Variants in KIF21A observed in about 807,000 individuals in gnomAD.
KIF21A encodes kinesin family member 21A.
In KIF21A, 114 loss-of-function variants were observed where a neutral mutation model predicts 202.9. That is an observed-to-expected ratio of 0.56 (90% confidence interval 0.48 to 0.66). The LOEUF (loss-of-function observed/expected upper bound fraction) is 0.66. Among genes scored for constraint, KIF21A ranks in the 30% least tolerant of loss-of-function variants. The pLI, the probability that KIF21A is intolerant of heterozygous loss-of-function variation, is 0.00. For missense variants in KIF21A, 1,677 were observed against 1,994.9 expected, an observed-to-expected ratio of 0.84 and a Z score of 3.04; for synonymous variants, 667 against 670.8, an observed-to-expected ratio of 0.99 and a Z score of 0.09.
chr12:39,313,290 T>C (rs1944208645), intron 31 of KIF21A, among the ~76,000 whole-genome samples: 2 of 151,868 alleles, frequency 1.3e-5, no homozygotes. Flanking sequence ...ACTCAACTTC[T>C]CGTTGAGTCT....
chr12:39,408,301 C>T (rs193258085), intron 1 of KIF21A, among the ~76,000 whole-genome samples: 62 of 152,110 alleles, frequency 4.1e-4, no homozygotes, highest in South Asian at 1.5e-3. Context: ...ATGTGCAGTT[C>T]GCAATAAGGT....
At chr12:39,356,490 TTCC>T in intron 10 of KIF21A, 16 of 199,772 alleles carry the variant, frequency 8.0e-5, no homozygotes, top group South Asian at 3.2e-4. Flanking sequence ...TATTGATCTA[TTCC>T]CAACTGATGG....
At chr12:39,395,324 G>A (rs1163066573) in intron 1 of KIF21A, among the ~76,000 whole-genome samples, 2 of 151,968 alleles carry the variant, frequency 1.3e-5, no homozygotes, top group African/African-American at 4.8e-5. Flanking sequence ...CATTGCTCTA[G>A]AATTGTTCTA....
chr12:39,354,690 G>A (rs1161891904), intron 10 of KIF21A, among the ~76,000 whole-genome samples: 1 of 152,152 alleles, frequency 6.6e-6, no homozygotes, highest in Non-Finnish European at 1.5e-5. Context: ...GTGAATAAAT[G>A]TCTTCCTAAG....
intron 1 of KIF21A, among the ~76,000 whole-genome samples, chr12:39,436,947 T>C (rs1938888220): frequency 6.6e-6 from 1 of 152,200 alleles, no homozygotes; most frequent in Non-Finnish European, 1.5e-5. Flanking sequence ...TCATCTGCCA[T>C]GCATTTTTAT....
chr12:39,361,309 G>A (rs1949189204), intron 7 of KIF21A, among the ~76,000 whole-genome samples: 1 of 152,082 alleles, frequency 6.6e-6, no homozygotes. Context: ...CTGAAAAAAT[G>A]AAAATTTTTA....
In KIF21A at chr12:39,365,762, C is replaced by T. The variant is rs1949556303; in HGVS notation, c.903+588G>A. On this transcript the variant is annotated intron_variant, in intron 6 of 37. Transcript: ENST00000361418. Reference sequence around the variant, plus strand: ...CAGTGGCTCGCGCCTGTAATCCCAGCACTTTGGGAGGTTGAGGTGAGTGAA... The same window carrying T: ...CAGTGGCTCGCGCCTGTAATCCCAGTACTTTGGGAGGTTGAGGTGAGTGAA... Among the ~76,000 whole-genome samples, 3 of 152,320 alleles carry T rather than the reference C, an allele frequency of 2.0e-5. No individual in the cohort carries two copies. In the South Asian group the frequency reaches 6.2e-4, roughly 32 times the overall value.
At chr12:39,338,464 G>A (rs1947169178) in intron 16 of KIF21A, among the ~76,000 whole-genome samples, 1 of 152,114 alleles carries the variant, frequency 6.6e-6, no homozygotes, top group African/African-American at 2.4e-5. Flanking sequence ...AATAAATTTA[G>A]TGTAGCTTAA....
intron 1 of KIF21A, among the ~76,000 whole-genome samples, chr12:39,431,991 C>G (rs1485618921): frequency 6.6e-6 from 1 of 152,170 alleles, no homozygotes; most frequent in Non-Finnish European, 1.5e-5. Context: ...ATGAAATCTG[C>G]AATCTCATGT....
rs79874848 is a variant in KIF21A, at chr12:39,397,491, C to T, written c.45-27230G>A. On this transcript the variant is annotated intron_variant, in intron 1 of 37. Transcript: ENST00000361418. ...ACTCTATTTTTTTCCACAGTACTTA[C>T]CACCCTCTAATATATTATGTAATTA... Among the ~76,000 whole-genome samples the T allele has an allele frequency of 1.7e-3, 256 of 152,112 alleles. 2 individuals are homozygous for T. The highest frequency in any genetic ancestry group is 0.012 in the Admixed American group (189 of 15,274).
At chr12:39,315,109 G>T in intron 31 of KIF21A, 120 bp downstream of exon 31, 4 of 929,954 alleles carry the variant, frequency 4.3e-6, no homozygotes, top group Non-Finnish European at 1.7e-6. Flanking sequence ...TGGCAAATTT[G>T]TACAACAGAC....
At position 39,366,480 on chromosome 12, in the gene KIF21A, G is replaced by A; in HGVS notation, c.773C>T (p.Ala258Val). 6.2e-7 allele frequency: 1 copy of A among 1,612,046 alleles called. No homozygotes were observed. The highest frequency in any genetic ancestry group is 1.3e-5 in the African/African-American group (1 of 74,974). Residue 258 changes from alanine to valine, a missense_variant, in exon 6 of 38, where the codon GCA becomes GTA. This residue lies in a region of KIF21A where 966 missense variants were observed against 1,180.9 expected (regional missense o/e 0.82). Transcript: ENST00000361418. ...CAGGGTTTCAAATTCATTCATCTGT[G>A]CTGATTCAGAAATAATTTTATTATC... The part of the protein sequence containing the change: ...ATDNKIISES[A>V]QMNEFETLTA...
At chr12:39,317,334 G>A (rs1160769111) in intron 29 of KIF21A, among the ~76,000 whole-genome samples, 1 of 152,082 alleles carries the variant, frequency 6.6e-6, no homozygotes, top group Non-Finnish European at 1.5e-5. Context: ...ATACAGGGAG[G>A]CAATAGCAGA....
In KIF21A at chr12:39,294,096, T is replaced by C. The variant is rs114494353; in HGVS notation, c.*328A>G. 682 of 264,958 alleles carry C rather than the reference T, an allele frequency of 2.6e-3. 7 individuals carry two copies. Among genetic ancestry groups the C allele is most frequent in the African/African-American group, 0.015 (660 of 44,326 alleles). 16.4% of individuals were successfully genotyped at this position (264,958 alleles called of 1,614,324 possible). On this transcript the variant is annotated 3_prime_UTR_variant, in exon 38 of 38. Transcript: ENST00000361418. ...TGCATCGTATTCCAGGTGTGTTTTC[T>C]GACTGTCACAAAAGCAGACGTCTTG... is the stretch of plus-strand genomic sequence containing the variant.
chr12:39,342,872 C>A (rs1947562308), intron 12 of KIF21A, among the ~76,000 whole-genome samples: 1 of 152,234 alleles, frequency 6.6e-6, no homozygotes, highest in Admixed American at 6.5e-5. Context: ...ACACACATAC[C>A]AGGGAATGAT....
At position 39,366,303 on chromosome 12, in the gene KIF21A, C is replaced by T. The variant is rs370398234; in HGVS notation, c.903+47G>A. On this transcript the variant is annotated intron_variant, in intron 6 of 37. Coordinates refer to ENST00000361418, the MANE Select transcript of KIF21A (RefSeq NM_001173464.2). ...TTATAAATTACAAAAGACAAAAGGACAATAGAAAAGCTCTGATATATTCTC... is the reference window on the plus strand; with the variant it reads ...TTATAAATTACAAAAGACAAAAGGATAATAGAAAAGCTCTGATATATTCTC... 3.1e-5 allele frequency: 47 copies of T among 1,516,900 alleles called. No individual in the cohort carries two copies. In the African/African-American group the frequency reaches 5.8e-4, roughly 19 times the overall value. 94.0% of individuals were successfully genotyped at this position (1,516,900 alleles called of 1,614,324 possible). A position where few individuals can be genotyped will look rare whatever the true frequency, so the allele number is the denominator to read the frequency against.
Position 39,309,650 on chromosome 12 carries a change from C to T in KIF21A, c.4213G>A (p.Val1405Ile), listed in dbSNP as rs747949177. ...CACACCTTAATATAAGATGTTGATA[C>T]AGTGAAGACCAAACTGGTATAATTA... is the stretch of plus-strand genomic sequence containing the variant. ...YCNYTSLVFT[V>I]STSYIKVWDI... Residue 1405 changes from valine (V) to isoleucine (I), a missense_variant, in exon 33 of 38, where the codon GTA (valine) becomes ATA (isoleucine). By Grantham distance (29) the Val-to-Ile change is conservative (BLOSUM62 3). Around this residue, in one of 3 missense-constraint regions of KIF21A, gnomAD observed 705 missense variants for 791.9 expected, o/e 0.89. Transcript: ENST00000361418. The T allele has an allele frequency of 1.9e-6, 3 of 1,612,908 alleles. No homozygotes were observed. Among genetic ancestry groups the T allele is most frequent in the Non-Finnish European group, 2.5e-6 (3 of 1,179,516 alleles).
Position 39,443,001 on chromosome 12 carries a change from G to A in KIF21A, c.-31C>T, listed in dbSNP as rs554379231. On this transcript the variant is annotated 5_prime_UTR_variant, in exon 1 of 38. Transcript: ENST00000361418. ...CGGCGGGCAGCGATCGAGCCGTTGG[G>A]CCTCGGCACCGCAGAGCTGAGGCGC... 449 of 1,515,474 alleles carry A rather than the reference G, an allele frequency of 3.0e-4. 5 individuals carry two copies. The East Asian group carries it at 0.011, about 39-fold the overall frequency. 93.9% of individuals were successfully genotyped at this position (1,515,474 alleles called of 1,614,324 possible). A position where few individuals can be genotyped will look rare whatever the true frequency, so the allele number is the denominator to read the frequency against.
intron 35 of KIF21A, 87 bp downstream of exon 35, chr12:39,304,731 AAAT>A: frequency 1.3e-6 from 1 of 742,478 alleles, no homozygotes; most frequent in Non-Finnish European, 2.4e-6. Context: ...GGAAAAAAGA[AAAT>A]AAGAGAAAGA....
Sources: gnomAD v4.1 joint callset for allele counts (sites outside exome capture counted in the v4.1 genomes callset) on GRCh38, gnomAD v4.1.1 for gene constraint, gnomAD v4.1.1 regional missense constraint, MANE v1.5 for transcripts, NCBI Gene and HGNC (gene_info 2026-07-23, HGNC 2026-07-21) for gene names.